The following SLC24A3 variants were observed in gnomAD, a reference collection of about 807,000 sequenced individuals.
The protein encoded by SLC24A3 is solute carrier family 24 member 3.
SLC24A3 carries 28 observed loss-of-function variants against 75.8 expected under a neutral mutation model. The observed-to-expected ratio is 0.37, with a 90% CI of 0.27 to 0.51. SLC24A3 has a LOEUF of 0.51. Ranked by LOEUF, SLC24A3 falls within the 20% of genes least tolerant of loss-of-function variation. The probability of loss-of-function intolerance (pLI) is 0.94; values close to 1 mark genes in which losing one functional copy is unlikely to be tolerated. For synonymous variants in SLC24A3, 372 were observed against 334.1 expected (o/e 1.11, Z -1.24); for missense variants, 663 against 847.8 (o/e 0.78, Z 2.71).
intron 3 of SLC24A3, among the ~76,000 whole-genome samples, chr20:19,558,845 C>T (rs948685473): frequency 2.6e-5 from 4 of 152,110 alleles, no homozygotes; most frequent in Non-Finnish European, 1.5e-5. Context: ...AGAAGAACTC[C>T]ATTGTATGGA....
chr20:19,264,803 A>C (rs1162385013), intron 1 of SLC24A3, among the ~76,000 whole-genome samples: 1 of 151,650 alleles, frequency 6.6e-6, no homozygotes, highest in Non-Finnish European at 1.5e-5. Flanking sequence ...AGCAAACCTC[A>C]CCTAGTGAGG....
chr20:19,462,612 G>A (rs1987697679), intron 2 of SLC24A3, among the ~76,000 whole-genome samples: 1 of 152,186 alleles, frequency 6.6e-6, no homozygotes, highest in South Asian at 2.1e-4. Flanking sequence ...TTTGCCTCTG[G>A]TCACGTGCTT....
At chr20:19,596,147 C>G (rs2031450367) in intron 6 of SLC24A3, among the ~76,000 whole-genome samples, 1 of 152,106 alleles carries the variant, frequency 6.6e-6, no homozygotes, top group Non-Finnish European at 1.5e-5. Context: ...AATTTATATT[C>G]TGGGAATATC....
chr20:19,489,796 A>G (rs1988181118), intron 2 of SLC24A3, among the ~76,000 whole-genome samples: 1 of 152,216 alleles, frequency 6.6e-6, no homozygotes, highest in African/African-American at 2.4e-5. Flanking sequence ...CTGAGTGTAC[A>G]GTATACCACG....
At chr20:19,284,346 T>G (rs528763676) in intron 2 of SLC24A3, 1 of 152,722 alleles carries the variant, frequency 6.5e-6, no homozygotes, top group East Asian at 1.9e-4. Flanking sequence ...CTTTGTTCAG[T>G]TTTCCTTAAG....
chr20:19,487,400 T>C (rs1056394677), intron 2 of SLC24A3, among the ~76,000 whole-genome samples: 2 of 152,206 alleles, frequency 1.3e-5, no homozygotes, highest in Admixed American at 6.5e-5. Context: ...TTCCTCCCTG[T>C]ACCTTAACTA....
At chr20:19,588,023 C>T (rs1398713960) in intron 6 of SLC24A3, among the ~76,000 whole-genome samples, 1 of 152,102 alleles carries the variant, frequency 6.6e-6, no homozygotes, top group Admixed American at 6.5e-5. Context: ...ACAGGATACT[C>T]AGTGGGAAGG....
At chr20:19,388,106 T>C (rs1189024758) in intron 2 of SLC24A3, among the ~76,000 whole-genome samples, 2 of 152,180 alleles carry the variant, frequency 1.3e-5, no homozygotes, top group Non-Finnish European at 2.9e-5. Context: ...TTAATCTAAT[T>C]ACGCTGTTAG....
At chr20:19,521,391 G>A (rs1429856696) in intron 3 of SLC24A3, among the ~76,000 whole-genome samples, 1 of 152,204 alleles carries the variant, frequency 6.6e-6, no homozygotes, top group Non-Finnish European at 1.5e-5. Flanking sequence ...GTCTTAACCA[G>A]TCAGTGTGAC....
intron 15 of SLC24A3, among the ~76,000 whole-genome samples, chr20:19,712,373 T>C (rs1998116): frequency 6.6e-6 from 1 of 151,616 alleles, no homozygotes; most frequent in Non-Finnish European, 1.5e-5. Flanking sequence ...GGACCTGCTG[T>C]TCTGGTAAGA....
intron 3 of SLC24A3, among the ~76,000 whole-genome samples, chr20:19,570,026 C>T (rs559799022): frequency 6.6e-6 from 1 of 152,322 alleles, no homozygotes; most frequent in Non-Finnish European, 1.5e-5. Flanking sequence ...TATCTGTTCT[C>T]ACACTGCTGT....
chr20:19,366,027 T>A (rs889837688), intron 2 of SLC24A3, among the ~76,000 whole-genome samples: 1 of 152,144 alleles, frequency 6.6e-6, no homozygotes, highest in African/African-American at 2.4e-5. Flanking sequence ...GGCAGGGGCT[T>A]CCCTGGAACA....
chr20:19,380,103 A>C (rs759916509), intron 2 of SLC24A3, among the ~76,000 whole-genome samples: 1 of 152,192 alleles, frequency 6.6e-6, no homozygotes, highest in Non-Finnish European at 1.5e-5. Context: ...TTATGCTTGC[A>C]AGTTTAGAAA....
At chr20:19,515,826 C>T (rs952536180) in intron 3 of SLC24A3, among the ~76,000 whole-genome samples, 1 of 152,228 alleles carries the variant, frequency 6.6e-6, no homozygotes, top group African/African-American at 2.4e-5. Flanking sequence ...CAGCCCCACT[C>T]TCCATGACTT....
intron 2 of SLC24A3, among the ~76,000 whole-genome samples, chr20:19,296,438 G>A (rs538317237): frequency 2.0e-4 from 30 of 151,956 alleles, no homozygotes; most frequent in Admixed American, 3.3e-4. Flanking sequence ...TAGTTATGAT[G>A]TTAGGGTGTT....
intron 2 of SLC24A3, chr20:19,355,227 GC>G (rs1426632421): frequency 6.6e-6 from 1 of 152,106 alleles, no homozygotes; most frequent in Non-Finnish European, 1.5e-5. Flanking sequence ...CAGCCTTTAT[GC>G]CCTTCATTGT....
intron 2 of SLC24A3, among the ~76,000 whole-genome samples, chr20:19,465,566 A>G (rs1181220524): frequency 1.3e-5 from 2 of 152,300 alleles, no homozygotes; most frequent in East Asian, 1.9e-4. Context: ...GTGATTCTAT[A>G]GAACAGGATC....
chr20:19,444,863 T>C (rs1987354057), intron 2 of SLC24A3, among the ~76,000 whole-genome samples: 1 of 149,354 alleles, frequency 6.7e-6, no homozygotes, highest in East Asian at 1.9e-4. Context: ...TTGGATCTAA[T>C]CGGCTTTTTG....
intron 2 of SLC24A3, among the ~76,000 whole-genome samples, chr20:19,296,233 T>C (rs1411901377): frequency 6.6e-6 from 1 of 151,588 alleles, no homozygotes; most frequent in Admixed American, 6.6e-5. Context: ...TTGTGTCTAT[T>C]TGATTCTTTT....
Sources: allele counts gnomAD v4.1 joint callset (sites outside exome capture counted in the v4.1 genomes callset), GRCh38; gene constraint gnomAD v4.1.1; transcripts MANE v1.5; gene names NCBI Gene and HGNC (gene_info 2026-07-23, HGNC 2026-07-21).